Variants in POFUT3 observed in about 807,000 individuals in gnomAD.
The protein encoded by POFUT3 is GDP-fucose protein O-fucosyltransferase 3.
At chr8:33,351,992 G>A in the POFUT3 span, among the ~76,000 whole-genome samples, 11 of 152,250 alleles carry the variant, frequency 7.2e-5, no homozygotes, top group Middle Eastern at 6.8e-3. Context: ...TTTTGCTCAA[G>A]GTCATAAAGA....
chr8:33,397,805 T>C, the POFUT3 span, among the ~76,000 whole-genome samples: 76 of 152,306 alleles, frequency 5.0e-4, 1 homozygote, highest in African/African-American at 1.8e-3. Flanking sequence ...CCCAGGGTGC[T>C]CTCAACCTCC....
chr8:33,356,370 GGT>G, the POFUT3 span, among the ~76,000 whole-genome samples: 1 of 152,192 alleles, frequency 6.6e-6, no homozygotes, highest in African/African-American at 2.4e-5. Context: ...CATTCTAACT[GGT>G]GTGAGATGGT....
the POFUT3 span, among the ~76,000 whole-genome samples, chr8:33,435,222 A>AC: frequency 2.1e-5 from 3 of 144,356 alleles, no homozygotes; most frequent in African/African-American, 7.7e-5. Context: ...TTTTAATTTA[A>AC]TTTTTTTTTT....
the POFUT3 span, chr8:33,388,980 T>G: frequency 6.2e-7 from 1 of 1,614,156 alleles, no homozygotes; most frequent in East Asian, 2.2e-5. Context: ...TGAAGCCTGA[T>G]ATTAGCCCAC....
At chr8:33,454,674 C>CTTTT in the POFUT3 span, among the ~76,000 whole-genome samples, 51 of 141,172 alleles carry the variant, frequency 3.6e-4, no homozygotes, top group South Asian at 9.0e-4. Flanking sequence ...AGTTTTGCCT[C>CTTTT]TTTTTTTTTT....
At chr8:33,347,615 A>G in the POFUT3 span, among the ~76,000 whole-genome samples, 1 of 152,260 alleles carries the variant, frequency 6.6e-6, no homozygotes, top group Non-Finnish European at 1.5e-5. Context: ...CAATAGAAGT[A>G]TAGGCAGAAT....
the POFUT3 span, among the ~76,000 whole-genome samples, chr8:33,332,658 T>C: frequency 6.6e-6 from 1 of 152,198 alleles, no homozygotes; most frequent in South Asian, 2.1e-4. Flanking sequence ...AATTTTTTCA[T>C]GCTAAGGAAA....
chr8:33,423,735 G>A, the POFUT3 span, among the ~76,000 whole-genome samples: 1 of 138,718 alleles, frequency 7.2e-6, no homozygotes, highest in East Asian at 2.2e-4. Context: ...TAAAAATAGG[G>A]ATAACAGTTT....
the POFUT3 span, among the ~76,000 whole-genome samples, chr8:33,412,482 C>A: frequency 6.6e-6 from 1 of 152,222 alleles, no homozygotes; most frequent in Non-Finnish European, 1.5e-5. Context: ...CAGGGAAATG[C>A]TGAGGCCTGG....
chr8:33,382,529 C>T, the POFUT3 span, among the ~76,000 whole-genome samples: 1 of 151,972 alleles, frequency 6.6e-6, no homozygotes, highest in Admixed American at 6.6e-5. Context: ...TAAGAAGCAG[C>T]GGGAAAGCAG....
chr8:33,411,773 A>G, the POFUT3 span, among the ~76,000 whole-genome samples: 46,069 of 152,114 alleles, frequency 0.3, 7,106 homozygotes, highest in South Asian at 0.44. Context: ...GGGCAAAAAG[A>G]GTGAAACTCC....
chr8:33,411,877 C>G, the POFUT3 span, among the ~76,000 whole-genome samples: 1 of 152,210 alleles, frequency 6.6e-6, no homozygotes, highest in Non-Finnish European at 1.5e-5. Flanking sequence ...AGCTCCAAAT[C>G]AAGTACCTGG....
chr8:33,345,968 G>A, the POFUT3 span, among the ~76,000 whole-genome samples: 2 of 151,814 alleles, frequency 1.3e-5, no homozygotes, highest in East Asian at 1.9e-4. Flanking sequence ...TGGGATTACA[G>A]GTGCCTGCCA....
the POFUT3 span, among the ~76,000 whole-genome samples, chr8:33,338,174 G>A: frequency 8.5e-5 from 13 of 152,158 alleles, no homozygotes; most frequent in Non-Finnish European, 7.3e-5. Context: ...TGAGGTAGTG[G>A]AGGTTAGGGC....
At chr8:33,322,748 C>T in the POFUT3 span, among the ~76,000 whole-genome samples, 13 of 152,122 alleles carry the variant, frequency 8.5e-5, no homozygotes, top group African/African-American at 2.4e-4. Context: ...ATGAAAAAGA[C>T]AGCAATCTAT....
chr8:33,401,588 T>G, the POFUT3 span, among the ~76,000 whole-genome samples: 1 of 152,238 alleles, frequency 6.6e-6, no homozygotes, highest in South Asian at 2.1e-4. Flanking sequence ...ATTATCCATG[T>G]AACTACCATG....
chr8:33,462,773 T>G, the POFUT3 span, among the ~76,000 whole-genome samples: 2 of 151,388 alleles, frequency 1.3e-5, no homozygotes, highest in Non-Finnish European at 2.9e-5. Flanking sequence ...GCATAGAAAA[T>G]TTTACAAATT....
chr8:33,309,753 T>C, the POFUT3 span, among the ~76,000 whole-genome samples: 1 of 152,192 alleles, frequency 6.6e-6, no homozygotes, highest in Non-Finnish European at 1.5e-5. Context: ...TTTGAAATTA[T>C]ATTAACCTTT....
the POFUT3 span, among the ~76,000 whole-genome samples, chr8:33,324,702 AT>A: frequency 7.2e-5 from 11 of 151,986 alleles, no homozygotes; most frequent in Admixed American, 6.6e-4. Flanking sequence ...GGCTATTATT[AT>A]TATTATTTGC....
Sources: allele counts gnomAD v4.1 joint callset (sites outside exome capture counted in the v4.1 genomes callset), GRCh38; gene constraint gnomAD v4.1.1; transcripts MANE v1.5; gene names NCBI Gene and HGNC (gene_info 2026-07-23, HGNC 2026-07-21).